Variants in ABCA7 observed in about 807,000 individuals in gnomAD.
The protein encoded by ABCA7 is phospholipid-transporting ATPase ABCA7.
A neutral mutation model predicts 227.6 loss-of-function variants in ABCA7; 261 were observed. The ratio of observed to expected loss-of-function variants is 1.15; its 90% CI spans 1.04 to 1.27. ABCA7 has a LOEUF of 1.27. Among genes scored for constraint, ABCA7 ranks in the 50% most tolerant of loss-of-function variants. The pLI is 0.00. For synonymous variants in ABCA7, 1,488 were observed against 1,279.7 expected (o/e 1.16, Z -3.47); for missense variants, 3,331 against 2,924.5 (o/e 1.14, Z -3.21).
Position 1,065,413 on chromosome 19 carries a change from G to T in ABCA7, c.6429G>T (p.Glu2143Asp), listed in dbSNP as rs200794514. ...TCCTCGATGACCCTAGCACTGCCGA[G>T]ACTGTGCTCTGAGCCTCCCTCCCCT... ...SQFLDDPSTA[E>D]TVL Residue 2143 changes from glutamate (E) to aspartate (D), a missense_variant, in exon 47 of 47, where the codon GAG (glutamate) becomes GAT (aspartate). Transcript: ENST00000263094. The T allele has an allele frequency of 6.2e-7, 1 of 1,613,214 alleles. No homozygotes were observed. Among genetic ancestry groups the T allele is most frequent in the African/African-American group, 1.3e-5 (1 of 74,930 alleles).
rs2144877339 is a variant in ABCA7 at position 1,054,663 on chromosome 19, A to C, written c.3820A>C (p.Thr1274Pro). 6.2e-7 allele frequency: 1 copy of C among 1,613,286 alleles called. No individual in the cohort carries two copies. The highest frequency in any genetic ancestry group is 2.2e-5 in the East Asian group (1 of 44,858). The change falls in exon 28 of 47, where the codon ACC becomes CCC. Residue 1274 changes from threonine (T) to proline (P), a missense_variant. Transcript: ENST00000263094. This position sits in a 1 kb window ranked among gnomAD's most constrained non-coding sequence, Gnocchi z 4.8. ...GHYPALRLSP[T>P]MYGAQVSFFS... is the part of the protein sequence containing the mutation. The stretch of plus-strand genomic sequence containing the variant: ...CTACCCGGCTCTGCGGCTCAGTCCC[A>C]CCATGTACGGTGCTCAGGTGTCCTT...
At chr19:1,047,676 T>A in intron 16 of ABCA7, 22 bp downstream of exon 16, 1 of 1,567,580 alleles carries the variant, frequency 6.4e-7, no homozygotes, top group Non-Finnish European at 8.6e-7. Context: ...GGGGCGGGGC[T>A]CCGGGCCGGG....
At position 1,058,833 on chromosome 19, in the gene ABCA7, T is replaced by C; in HGVS notation, c.5293T>C (p.Ser1765Pro). 1 of 1,576,712 alleles carries C rather than the reference T, an allele frequency of 6.3e-7. No homozygotes were observed. Among genetic ancestry groups the C allele is most frequent in the South Asian group, 1.2e-5 (1 of 86,430 alleles). Reference protein sequence around the residue: ...SQLLPQPRVRSLPLLGEEDED... With the variant: ...SQLLPQPRVRPLPLLGEEDED... Reference sequence around the variant, plus strand: ...TTCTGTCCCCAGGCCCAGGGTGAGGTCTCTGCCACTCCTGGGAGAGGAGGA... The same window carrying C: ...TTCTGTCCCCAGGCCCAGGGTGAGGCCTCTGCCACTCCTGGGAGAGGAGGA... Residue 1765 changes from serine (S) to proline (P), a missense_variant, in exon 39 of 47, where the codon TCT (serine) becomes CCT (proline). Physicochemically the swap from Ser to Pro is moderately conservative, Grantham distance 74. Transcript: ENST00000263094.
intron 12 of ABCA7, 91 bp downstream of exon 12, chr19:1,045,322 C>G: frequency 8.1e-7 from 1 of 1,231,214 alleles, no homozygotes; most frequent in Non-Finnish European, 1.1e-6. Flanking sequence ...CTATTGGAGA[C>G]CATGATAGAC....
At position 1,065,477 on chromosome 19, in the gene ABCA7, G is replaced by A; in HGVS notation, c.*52G>A. 6.3e-7 allele frequency: 1 copy of A among 1,598,886 alleles called. No homozygotes were observed. On this transcript the variant is annotated 3_prime_UTR_variant, in exon 47 of 47. Transcript: ENST00000263094. Reference sequence around the variant, plus strand: ...GAGGCCCTGGGAATGGCAAGGGCAAGGTAGAGTGCCTAGGAGCCCTGGACT... The same window carrying A: ...GAGGCCCTGGGAATGGCAAGGGCAAAGTAGAGTGCCTAGGAGCCCTGGACT...
chr19:1,050,908 C>T lies in ABCA7; in HGVS notation c.2553-13C>T, dbSNP rs764032685. On this transcript the variant is annotated splice_polypyrimidine_tract_variant and intron_variant, in intron 18 of 46. Transcript: ENST00000263094. ...CTGTGAAGGGGGCTACTCTGAGACC[C>T]CTCTATCCACAGGTCCATCTTGAGT... is the stretch of plus-strand genomic sequence containing the variant. 4 of 1,584,750 alleles carry T rather than the reference C, an allele frequency of 2.5e-6. No individual in the cohort carries two copies. The highest frequency in any genetic ancestry group is 2.7e-5 in the African/African-American group (2 of 74,222).
At chr19:1,058,080 G>A in intron 36 of ABCA7, 21 bp downstream of exon 36, 1 of 1,613,998 alleles carries the variant, frequency 6.2e-7, no homozygotes. Context: ...ACGAGGCTGG[G>A]GCTTGGGCTG....
chr19:1,053,335 C>G lies in ABCA7; in HGVS notation c.3227C>G (p.Pro1076Arg). The G allele has an allele frequency of 1.2e-6, 2 of 1,608,954 alleles. No homozygotes were observed. Among genetic ancestry groups the G allele is most frequent in the Non-Finnish European group, 1.7e-6 (2 of 1,179,174 alleles). ...NGSQGSRVGT[P>R]QLLALVQHWV... is the part of the protein sequence containing the mutation. ...CACCCCTTTGTCCACACAGGCACTCCTCAGCTGCTGGCCCTGGTACAGCAC... is the reference window on the plus strand; with the variant it reads ...CACCCCTTTGTCCACACAGGCACTCGTCAGCTGCTGGCCCTGGTACAGCAC... The change falls in exon 24 of 47, where the codon CCT becomes CGT. Residue 1076 changes from proline to arginine, a missense_variant. Physicochemically the swap from Pro to Arg is moderately radical, Grantham distance 103. Transcript: ENST00000263094.
In ABCA7 at chr19:1,063,515, C is replaced by G. The variant is rs774010450; in HGVS notation, c.5713-29C>G. On this transcript the variant is annotated intron_variant, in intron 42 of 46. Transcript: ENST00000263094. ...TGCCCCATACTCATCAATATGAGTC[C>G]CCATGCCTACTCTGGCCCCACCCCA... 1.9e-6 allele frequency: 3 copies of G among 1,606,854 alleles called. No individual in the cohort carries two copies. In the African/African-American group the frequency reaches 4.0e-5, roughly 21 times the overall value.
chr19:1,061,994 A>G, intron 41 of ABCA7, 106 bp downstream of exon 41: 3 of 1,426,218 alleles, frequency 2.1e-6, no homozygotes, highest in Admixed American at 4.4e-5. Flanking sequence ...ACTGCCCCAC[A>G]CCTGCATGGT....
chr19:1,048,496 CAAAAAAAAAAAAACAAAA>C (rs903233934), intron 16 of ABCA7, among the ~76,000 whole-genome samples: 1 of 21,628 alleles, frequency 4.6e-5, no homozygotes, highest in East Asian at 1.7e-3. Context: ...AACTCAGTCT[CAAAAAAAAAAAAACAAAA>C]AAAAAAAAAA....
In ABCA7 at chr19:1,058,599, C is replaced by T. The variant is rs1350436041; in HGVS notation, c.5150-19C>T. The T allele has an allele frequency of 6.2e-7, 1 of 1,613,098 alleles. No homozygotes were observed. The highest frequency in any genetic ancestry group is 1.1e-5 in the South Asian group (1 of 91,030). On this transcript the variant is annotated intron_variant, in intron 37 of 46. Coordinates refer to ENST00000263094, the MANE Select transcript of ABCA7 (RefSeq NM_019112.4). The stretch of plus-strand genomic sequence containing the variant: ...ACCAAGACTCTCATGGACCCAGTCC[C>T]TCCTTTCTATATCCACAGGAGACAG...
Position 1,043,402 on chromosome 19 carries a change from C to T in ABCA7, c.859C>T (p.Leu287=), listed in dbSNP as rs886219762. 5 of 1,613,244 alleles carry T rather than the reference C, an allele frequency of 3.1e-6. No homozygotes were observed. The African/African-American group carries it at 6.7e-5, about 22-fold the overall frequency. The change falls in exon 9 of 47, where the codon CTG becomes TTG. Residue 287 remains leucine (L), a synonymous_variant. Coordinates refer to ENST00000263094, the MANE Select transcript of ABCA7 (RefSeq NM_019112.4). The part of the protein sequence containing the change: ...HPLSRLLWRR[L]KPLILGKLLF... ...GCTGTCCCGCCTGCTCTGGAGACGCCTGAAGCCTCTGATCCTCGGGAAGCT... is the reference window on the plus strand; with the variant it reads ...GCTGTCCCGCCTGCTCTGGAGACGCTTGAAGCCTCTGATCCTCGGGAAGCT...
In ABCA7 at chr19:1,063,411, C is replaced by T. The variant is rs532626928; in HGVS notation, c.5713-133C>T. 25 of 1,289,044 alleles carry T rather than the reference C, an allele frequency of 1.9e-5. No individual in the cohort carries two copies. In the African/African-American group the frequency reaches 3.1e-4, roughly 16 times the overall value. The allele number at this position is 1,289,044 out of a possible 1,614,324, so 79.9% of individuals were successfully genotyped here. ...CATGCTGCCCCCACCACACTATGTCCCATTCTCACATTTGCCCTGCCCCAT... is the reference window on the plus strand; with the variant it reads ...CATGCTGCCCCCACCACACTATGTCTCATTCTCACATTTGCCCTGCCCCAT... On this transcript the variant is annotated intron_variant, in intron 42 of 46. Coordinates refer to ENST00000263094, the MANE Select transcript of ABCA7 (RefSeq NM_019112.4).
chr19:1,065,063 G>C lies in ABCA7; in HGVS notation c.6177G>C (p.Leu2059=). 6.4e-7 allele frequency: 1 copy of C among 1,562,800 alleles called. No homozygotes were observed. ...EAHGGRLRFQ[L]PPGGRCALAR... ...ATGGAGGCCGCCTGCGCTTCCAGCT[G>C]CCGCCGGGAGGGCGCTGCGCCCTGG... Residue 2059 remains leucine (L), a synonymous_variant, in exon 46 of 47, where the codon CTG becomes CTC. Coordinates refer to ENST00000263094, the MANE Select transcript of ABCA7 (RefSeq NM_019112.4).
At chr19:1,041,068 CT>C (rs555635106) in intron 1 of ABCA7, 156 bp from the exon 2 acceptor site, 1 of 506,940 alleles carries the variant, frequency 2.0e-6, no homozygotes, top group South Asian at 2.4e-5. Flanking sequence ...AGAGGATGAT[CT>C]TTAAGTCCCC....
At position 1,057,452 on chromosome 19, in the gene ABCA7, G is replaced by A. The variant is rs1188030776; in HGVS notation, c.4880+23G>A. ...TGGGTGAGGCCCCCAGTCCCTCAGGGCCTATTCTTACTGACCCCTTACTGC... is the reference window on the plus strand; with the variant it reads ...TGGGTGAGGCCCCCAGTCCCTCAGGACCTATTCTTACTGACCCCTTACTGC... On this transcript the variant is annotated intron_variant, in intron 35 of 46. Coordinates refer to ENST00000263094, the MANE Select transcript of ABCA7 (RefSeq NM_019112.4). The A allele has an allele frequency of 1.9e-6, 3 of 1,599,494 alleles. No individual in the cohort carries two copies. The African/African-American group carries it at 4.0e-5, about 21-fold the overall frequency.
Position 1,049,009 on chromosome 19 carries a change from A to T in ABCA7, c.2380+4A>T. The T allele has an allele frequency of 6.5e-7, 1 of 1,536,682 alleles. No homozygotes were observed. The highest frequency in any genetic ancestry group is 8.9e-7 in the Non-Finnish European group (1 of 1,129,836). ...CCCACCCCGCTGGACCCAAAGGGTG[A>T]GGCACTACGAGGCTTAATAGCTGGT... On this transcript the variant is annotated splice_donor_region_variant and intron_variant, in intron 17 of 46. Coordinates refer to ENST00000263094, the MANE Select transcript of ABCA7 (RefSeq NM_019112.4).
At position 1,056,180 on chromosome 19, in the gene ABCA7, C is replaced by G. The variant is rs745751918; in HGVS notation, c.4353C>G (p.Leu1451=). 3.1e-6 allele frequency: 5 copies of G among 1,607,192 alleles called. No homozygotes were observed. Among genetic ancestry groups the G allele is most frequent in the Non-Finnish European group, 3.4e-6 (4 of 1,178,594 alleles). The change falls in exon 32 of 47, where the codon CTC becomes CTG. Residue 1451 remains leucine (L), a synonymous_variant. Coordinates refer to ENST00000263094, the MANE Select transcript of ABCA7 (RefSeq NM_019112.4). The surrounding 1 kb of genome is among the most constrained non-coding windows in gnomAD (Gnocchi z 4.3). ...TGAGTCCCCTGCCTGGCGGGGCCCT[C>G]GACCGTGTCCTGAAAAACCTCACAG... ...ALLSPLPGGA[L]DRVLKNLTAW... is the part of the protein sequence containing the mutation.
Sources: allele counts gnomAD v4.1 joint callset (sites outside exome capture counted in the v4.1 genomes callset), GRCh38; gene constraint gnomAD v4.1.1; non-coding constraint Gnocchi (gnomAD v3.1); transcripts MANE v1.5; gene names NCBI Gene and HGNC (gene_info 2026-07-23, HGNC 2026-07-21).